Variants in PCDH15 observed in about 807,000 individuals in gnomAD.
The protein encoded by PCDH15 is protocadherin-15.
Under a neutral mutation model 178.5 loss-of-function variants are expected in PCDH15, and 129 were observed. The ratio of observed to expected loss-of-function variants is 0.72; its 90% CI spans 0.63 to 0.84. The LOEUF (loss-of-function observed/expected upper bound fraction) is 0.84, where lower values mean the gene tolerates loss of function less well. PCDH15 is among the 40% of genes least tolerant of loss of function. The probability of loss-of-function intolerance (pLI) is 0.00; values close to 1 mark genes in which losing one functional copy is unlikely to be tolerated. For synonymous variants in PCDH15, 800 were observed against 732.0 expected (o/e 1.09, Z -1.50); for missense variants, 2,230 against 2,099.9 (o/e 1.06, Z -1.21).
intron 2 of PCDH15, among the ~76,000 whole-genome samples, chr10:54,579,287 AG>A (rs750906029): frequency 6.6e-6 from 1 of 152,152 alleles, no homozygotes; most frequent in Non-Finnish European, 1.5e-5. Context: ...TTCAAGGTAA[AG>A]GGTTGGAGAA....
intron 2 of PCDH15, among the ~76,000 whole-genome samples, chr10:54,575,828 A>ACATGAC (rs2090416272): frequency 1.3e-5 from 2 of 152,196 alleles, no homozygotes; most frequent in Non-Finnish European, 2.9e-5. Context: ...TACTAATTTT[A>ACATGAC]ACAGAAGGCT....
intron 8 of PCDH15, among the ~76,000 whole-genome samples, chr10:54,239,167 CCTT>C (rs1439780766): frequency 1.3e-5 from 2 of 151,994 alleles, no homozygotes; most frequent in Admixed American, 1.3e-4. Context: ...TGGCTGATCA[CCTT>C]CATCTATTTA....
At chr10:54,210,527 A>G (rs1289540838) in intron 10 of PCDH15, among the ~76,000 whole-genome samples, 1 of 152,108 alleles carries the variant, frequency 6.6e-6, no homozygotes, top group Non-Finnish European at 1.5e-5. Flanking sequence ...GCTGCAAAAA[A>G]GCAGCTTCCT....
intron 5 of PCDH15, among the ~76,000 whole-genome samples, chr10:54,356,398 T>G (rs563459568): frequency 6.6e-6 from 1 of 151,962 alleles, no homozygotes; most frequent in East Asian, 1.9e-4. Context: ...AAACTTGGTT[T>G]TAGGAAATAC....
At chr10:55,503,385 A>T (rs975026930) in intron 2 of PCDH15, among the ~76,000 whole-genome samples, 25 of 148,416 alleles carry the variant, frequency 1.7e-4, no homozygotes, top group South Asian at 4.2e-4. Flanking sequence ...TAAATAGCTA[A>T]ATAATTTAAA....
At chr10:55,191,081 G>A (rs1311363796) in intron 1 of PCDH15, among the ~76,000 whole-genome samples, 1 of 151,666 alleles carries the variant, frequency 6.6e-6, no homozygotes, top group Admixed American at 6.6e-5. Flanking sequence ...GATTTTATTA[G>A]CAATTAGCTG....
intron 15 of PCDH15, among the ~76,000 whole-genome samples, chr10:54,111,506 T>C (rs11004073): frequency 0.01 from 1,586 of 152,288 alleles, 17 homozygotes; most frequent in Middle Eastern, 0.02. Flanking sequence ...CAATGGGCTT[T>C]TGGCCTGAAG....
intron 1 of PCDH15, among the ~76,000 whole-genome samples, chr10:54,780,087 C>T (rs906541818): frequency 3.3e-5 from 5 of 152,006 alleles, no homozygotes; most frequent in African/African-American, 1.2e-4. Context: ...CAAAATGTTC[C>T]GCAGAGAAGT....
intron 21 of PCDH15, among the ~76,000 whole-genome samples, chr10:53,983,701 T>A (rs1168023448): frequency 6.6e-6 from 1 of 152,216 alleles, no homozygotes; most frequent in Non-Finnish European, 1.5e-5. Flanking sequence ...TAAAATTTAT[T>A]TATTTAAACA....
chr10:54,160,726 A>T (rs987706426), intron 13 of PCDH15, among the ~76,000 whole-genome samples: 3 of 152,324 alleles, frequency 2.0e-5, no homozygotes, highest in South Asian at 2.1e-4. Flanking sequence ...ACAAACACAA[A>T]TTTTTTAAAT....
intron 25 of PCDH15, among the ~76,000 whole-genome samples, chr10:53,925,905 C>T (rs1183651115): frequency 1.3e-5 from 2 of 152,170 alleles, no homozygotes; most frequent in Non-Finnish European, 1.5e-5. Flanking sequence ...CGACGCTTGG[C>T]ATAACAATTC....
chr10:54,463,953 G>C (rs2077357761), intron 3 of PCDH15, among the ~76,000 whole-genome samples: 1 of 152,178 alleles, frequency 6.6e-6, no homozygotes, highest in African/African-American at 2.4e-5. Context: ...TGAAGTGGGA[G>C]AACAATGGAT....
intron 2 of PCDH15, among the ~76,000 whole-genome samples, chr10:55,059,303 T>A (rs931956234): frequency 6.6e-6 from 1 of 152,186 alleles, no homozygotes; most frequent in East Asian, 1.9e-4. Context: ...ATATATATAT[T>A]TTATGCCCAC....
intron 2 of PCDH15, among the ~76,000 whole-genome samples, chr10:55,094,062 A>G (rs147061392): frequency 0.041 from 6,174 of 152,216 alleles, 300 homozygotes; most frequent in East Asian, 0.14. Flanking sequence ...AAAAGATTAT[A>G]AATCATGCTA....
intron 2 of PCDH15, among the ~76,000 whole-genome samples, chr10:54,532,504 A>G (rs1446943295): frequency 6.6e-6 from 1 of 152,198 alleles, no homozygotes; most frequent in African/African-American, 2.4e-5. Flanking sequence ...AAACTCAGTG[A>G]TAACATTGAC....
intron 6 of PCDH15, among the ~76,000 whole-genome samples, chr10:54,340,714 C>A (rs1404314197): frequency 3.9e-5 from 6 of 152,086 alleles, no homozygotes; most frequent in African/African-American, 1.4e-4. Flanking sequence ...TTCATCCCTT[C>A]ACTTGGGGGT....
chr10:54,986,236 C>T (rs913866968), intron 2 of PCDH15, among the ~76,000 whole-genome samples: 2 of 151,890 alleles, frequency 1.3e-5, no homozygotes, highest in Non-Finnish European at 2.9e-5. Context: ...AGGGGATACA[C>T]TGTAGCTTTC....
chr10:54,772,904 G>A (rs1949261137), intron 1 of PCDH15, among the ~76,000 whole-genome samples: 1 of 152,144 alleles, frequency 6.6e-6, no homozygotes, highest in African/African-American at 2.4e-5. Flanking sequence ...GGAAAATGTG[G>A]TACATAAATA....
chr10:54,793,894 TA>T (rs895672257), intron 1 of PCDH15, among the ~76,000 whole-genome samples: 1 of 147,266 alleles, frequency 6.8e-6, no homozygotes, highest in African/African-American at 2.5e-5. Flanking sequence ...TGTGAATAAA[TA>T]AAATAAGAAA....
Sources: gnomAD v4.1 joint callset for allele counts (sites outside exome capture counted in the v4.1 genomes callset) on GRCh38, gnomAD v4.1.1 for gene constraint, MANE v1.5 for transcripts, NCBI Gene and HGNC (gene_info 2026-07-23, HGNC 2026-07-21) for gene names.